PLVAP: variants seen among roughly 807,000 people sequenced by gnomAD.
PLVAP encodes the protein plasmalemma vesicle associated protein, also known as plasmalemma vesicle-associated protein.
In PLVAP, 34 loss-of-function variants were observed where a neutral mutation model predicts 43.1. The observed-to-expected ratio is 0.79, with a 90% CI of 0.60 to 1.05. PLVAP has a LOEUF of 1.05. Among genes scored for constraint, PLVAP ranks in the 50% least tolerant of loss-of-function variants. The pLI is 0.00. For missense variants in PLVAP, 574 were observed against 593.4 expected, an observed-to-expected ratio of 0.97 and a Z score of 0.34; for synonymous variants, 241 against 237.3, an observed-to-expected ratio of 1.02 and a Z score of -0.14.
chr19:17,377,251 C>T lies in PLVAP; in HGVS notation c.38G>A (p.Arg13Gln), dbSNP rs145946398. 4.0e-5 allele frequency: 65 copies of T among 1,613,768 alleles called. No individual in the cohort carries two copies. The Middle Eastern group carries it at 4.9e-4, about 12-fold the overall frequency. ...LAMEHGGSYA[R>Q]AGGSSRGCWY... is the part of the protein sequence containing the mutation. ...GCAGCCCCGAGAGCTGCCCCCCGCCCGAGCGTAGGACCCTCCGTGCTCCAT... is the reference window on the plus strand; with the variant it reads ...GCAGCCCCGAGAGCTGCCCCCCGCCTGAGCGTAGGACCCTCCGTGCTCCAT... The change falls in exon 1 of 6, where the codon CGG becomes CAG. Residue 13 changes from arginine to glutamine, a missense_variant. Coordinates refer to ENST00000252590, the MANE Select transcript of PLVAP (RefSeq NM_031310.3).
At chr19:17,369,549 C>T (rs113065576) in intron 1 of PLVAP, among the ~76,000 whole-genome samples, 13,228 of 147,554 alleles carry the variant, frequency 0.09, 757 homozygotes, top group Non-Finnish European at 0.13. Context: ...CCAGGAGACT[C>T]GCTTGAATCC....
intron 3 of PLVAP, among the ~76,000 whole-genome samples, chr19:17,361,868 G>A (rs991996768): frequency 2.0e-5 from 3 of 151,132 alleles, no homozygotes; most frequent in African/African-American, 4.9e-5. Flanking sequence ...TCAGGAGTTC[G>A]AGACCAGCCT....
chr19:17,360,690 G>C, intron 4 of PLVAP, 81 bp from the exon 5 acceptor site: 1 of 1,578,724 alleles, frequency 6.3e-7, no homozygotes, highest in East Asian at 2.2e-5. Context: ...GGCAGCCCAG[G>C]GGAGTGGGAA....
intron 1 of PLVAP, among the ~76,000 whole-genome samples, chr19:17,368,303 C>G (rs2145724457): frequency 6.6e-6 from 1 of 152,054 alleles, no homozygotes; most frequent in South Asian, 2.1e-4. Flanking sequence ...AACTCCCATC[C>G]TCAGGTGATC....
intron 3 of PLVAP, among the ~76,000 whole-genome samples, chr19:17,364,324 A>G (rs1235697951): frequency 6.6e-6 from 1 of 151,914 alleles, no homozygotes; most frequent in Non-Finnish European, 1.5e-5. Flanking sequence ...AGCTCAGGCA[A>G]TCCACCTGCC....
intron 3 of PLVAP, among the ~76,000 whole-genome samples, chr19:17,364,947 AT>A (rs1355888937): frequency 8.6e-5 from 13 of 151,584 alleles, no homozygotes; most frequent in African/African-American, 3.1e-4. Context: ...TAATTTTTGT[AT>A]TTTTAGCAAA....
chr19:17,367,386 T>A (rs201103574), intron 1 of PLVAP, among the ~76,000 whole-genome samples: 3 of 117,416 alleles, frequency 2.6e-5, no homozygotes, highest in Admixed American at 2.6e-4. Flanking sequence ...GACTGATTTT[T>A]AAATTTTTTT....
chr19:17,368,024 A>G (rs2074556994), intron 1 of PLVAP, among the ~76,000 whole-genome samples: 1 of 147,498 alleles, frequency 6.8e-6, no homozygotes, highest in African/African-American at 2.5e-5. Flanking sequence ...CAGCCTCCCG[A>G]GTAGTTGGGA....
intron 5 of PLVAP, among the ~76,000 whole-genome samples, chr19:17,353,575 C>T (rs1293555103): frequency 1.3e-5 from 2 of 152,140 alleles, no homozygotes; most frequent in Non-Finnish European, 2.9e-5. Context: ...CACCTTGGGG[C>T]CTTTGCCCTG....
chr19:17,374,416 G>A (rs923966472), intron 1 of PLVAP, among the ~76,000 whole-genome samples: 6 of 151,924 alleles, frequency 3.9e-5, no homozygotes, highest in African/African-American at 1.4e-4. Flanking sequence ...AGTGAGCCGA[G>A]ACTGCGCCAC....
Position 17,351,874 on chromosome 19 carries a change from G to T in PLVAP, c.*488C>A. 5.7e-6 allele frequency: 1 copy of T among 174,794 alleles called. No homozygotes were observed. The highest frequency in any genetic ancestry group is 1.2e-5 in the Non-Finnish European group (1 of 81,596). 10.8% of individuals were successfully genotyped at this position (174,794 alleles called of 1,614,324 possible). ...CCATATCTATAGGTGTCGTTGTCATGGTGTGTGTTGTCACTGTGTCTGTGT... is the reference window on the plus strand; with the variant it reads ...CCATATCTATAGGTGTCGTTGTCATTGTGTGTGTTGTCACTGTGTCTGTGT... On this transcript the variant is annotated 3_prime_UTR_variant, in exon 6 of 6. Transcript: ENST00000252590.
intron 3 of PLVAP, among the ~76,000 whole-genome samples, chr19:17,361,649 G>A (rs377763200): frequency 1.1e-4 from 17 of 152,214 alleles, no homozygotes; most frequent in African/African-American, 4.1e-4. Flanking sequence ...TGATCCCAAC[G>A]TGAAAAGTCA....
At chr19:17,367,389 A>ATTT (rs34624440) in intron 1 of PLVAP, among the ~76,000 whole-genome samples, 1 of 143,914 alleles carries the variant, frequency 6.9e-6, no homozygotes. Flanking sequence ...TGATTTTTAA[A>ATTT]TTTTTTTTTT....
chr19:17,373,945 T>C (rs915130707), intron 1 of PLVAP, among the ~76,000 whole-genome samples: 2 of 151,796 alleles, frequency 1.3e-5, no homozygotes, highest in African/African-American at 4.8e-5. Flanking sequence ...GTGGATCACT[T>C]GAAGGCAGGA....
chr19:17,355,985 C>T (rs1040664572), intron 5 of PLVAP, among the ~76,000 whole-genome samples: 2 of 152,164 alleles, frequency 1.3e-5, no homozygotes, highest in Non-Finnish European at 2.9e-5. Context: ...GGAAAGCTGG[C>T]GCACACATCA....
chr19:17,359,693 C>CT (rs10617408), intron 5 of PLVAP, among the ~76,000 whole-genome samples: 1,499 of 116,110 alleles, frequency 0.013, 34 homozygotes, highest in Non-Finnish European at 0.016. Context: ...TACCCGGCCT[C>CT]TTTTTTTTTT....
At chr19:17,369,003 A>G (rs1310736618) in intron 1 of PLVAP, among the ~76,000 whole-genome samples, 2 of 152,144 alleles carry the variant, frequency 1.3e-5, no homozygotes, top group African/African-American at 4.8e-5. Flanking sequence ...ACAAACAAAC[A>G]AAAACCTGGA....
chr19:17,371,983 GT>G (rs1457243348), intron 1 of PLVAP, among the ~76,000 whole-genome samples: 3 of 148,706 alleles, frequency 2.0e-5, no homozygotes, highest in African/African-American at 7.4e-5. Flanking sequence ...AATGCCTTCT[GT>G]TCTCAAAAGC....
At chr19:17,361,049 G>T in intron 3 of PLVAP, 1 of 516,252 alleles carries the variant, frequency 1.9e-6, no homozygotes, top group Non-Finnish European at 3.5e-6. Flanking sequence ...TGGGTAGCTG[G>T]GACTACAGTC....
Sources: gnomAD v4.1 joint callset for allele counts (sites outside exome capture counted in the v4.1 genomes callset) on GRCh38, gnomAD v4.1.1 for gene constraint, MANE v1.5 for transcripts, NCBI Gene and HGNC (gene_info 2026-07-23, HGNC 2026-07-21) for gene names.